The following WWOX variants were observed in gnomAD, a reference collection of about 807,000 sequenced individuals.
The protein encoded by WWOX is WW domain-containing oxidoreductase.
Under a neutral mutation model 46.2 loss-of-function variants are expected in WWOX, and 69 were observed. The ratio of observed to expected loss-of-function variants is 1.49; its 90% CI spans 1.23 to 1.82. WWOX has a LOEUF of 1.82. Ranked by LOEUF, WWOX falls within the 40% of genes most tolerant of loss-of-function variation. WWOX has a pLI of 0.00. For missense variants in WWOX, 919 were observed against 542.6 expected (o/e 1.69, Z -6.89); for synonymous variants, 359 against 202.6 (o/e 1.77, Z -6.56).
At chr16:78,379,198 C>T (rs1252229018) in intron 5 of WWOX, among the ~76,000 whole-genome samples, 2 of 152,094 alleles carry the variant, frequency 1.3e-5, no homozygotes, top group Non-Finnish European at 2.9e-5. Flanking sequence ...TAAATACATG[C>T]AAATTAGAGC....
intron 7 of WWOX, among the ~76,000 whole-genome samples, chr16:78,427,173 C>G (rs1282930492): frequency 6.6e-6 from 1 of 152,172 alleles, no homozygotes; most frequent in Non-Finnish European, 1.5e-5. Context: ...TTACCTCCAT[C>G]AACCTTGGCA....
At chr16:78,531,188 A>G (rs571141605) in intron 8 of WWOX, among the ~76,000 whole-genome samples, 145 of 152,300 alleles carry the variant, frequency 9.5e-4, no homozygotes, top group African/African-American at 3.4e-3. Context: ...AGAGGTCTCA[A>G]TTTGCCTTTT....
chr16:78,589,134 G>C (rs1331731078), intron 8 of WWOX, among the ~76,000 whole-genome samples: 1 of 152,186 alleles, frequency 6.6e-6, no homozygotes, highest in East Asian at 1.9e-4. Flanking sequence ...AGTTTTGGCA[G>C]GGTTGAGTCT....
intron 8 of WWOX, among the ~76,000 whole-genome samples, chr16:78,700,221 A>G (rs2048183450): frequency 1.3e-5 from 2 of 150,894 alleles, no homozygotes; most frequent in South Asian, 4.2e-4. Context: ...TGGAAGTCAG[A>G]TGTCAGGGCA....
intron 8 of WWOX, among the ~76,000 whole-genome samples, chr16:79,178,423 C>A (rs957737928): frequency 2.0e-5 from 3 of 152,058 alleles, no homozygotes; most frequent in Admixed American, 2.0e-4. Flanking sequence ...ATCAAGCAGT[C>A]TTCTTGCCTT....
At chr16:79,070,096 T>C (rs933415390) in intron 8 of WWOX, among the ~76,000 whole-genome samples, 2 of 152,226 alleles carry the variant, frequency 1.3e-5, no homozygotes, top group African/African-American at 4.8e-5. Context: ...AGACTTATCA[T>C]TCAAAGATTG....
rs1165603146 is a variant in WWOX at position 78,802,933 on chromosome 16, AAAAAAAAAACAAC to A, written c.1056+370185_1056+370197del. On this transcript the variant is annotated intron_variant, in intron 8 of 8. Coordinates refer to ENST00000566780, the MANE Select transcript of WWOX (RefSeq NM_016373.4). ...TTCATCTGAAAAAAAAAAAAAAAAA[AAAAAAAAAACAAC>A]AAACAGAAAAATGAACGAGTGAGTG... is the stretch of plus-strand genomic sequence containing the variant. Among the ~76,000 whole-genome samples the A allele has an allele frequency of 1.2e-3, 120 of 101,354 alleles. 19 individuals carry two copies. Among genetic ancestry groups the A allele is most frequent in the African/African-American group, 3.9e-3 (90 of 23,080 alleles). The allele number at this position is 101,354 out of a possible 152,430, so 66.5% of individuals were successfully genotyped here. A position where few individuals can be genotyped will look rare whatever the true frequency, so the allele number is the denominator to read the frequency against.
chr16:78,351,281 T>C (rs1484775985), intron 5 of WWOX, among the ~76,000 whole-genome samples: 1 of 152,226 alleles, frequency 6.6e-6, no homozygotes, highest in Non-Finnish European at 1.5e-5. Flanking sequence ...ATATCACTTT[T>C]CCTTTAAATC....
intron 8 of WWOX, among the ~76,000 whole-genome samples, chr16:79,145,825 A>T (rs1014017824): frequency 6.6e-6 from 1 of 152,190 alleles, no homozygotes; most frequent in Non-Finnish European, 1.5e-5. Context: ...AGATAGAAAA[A>T]AACCCCATTC....
At chr16:78,193,453 T>A (rs972800083) in intron 5 of WWOX, among the ~76,000 whole-genome samples, 2 of 152,232 alleles carry the variant, frequency 1.3e-5, no homozygotes, top group Non-Finnish European at 2.9e-5. Flanking sequence ...AGGAAAACAT[T>A]AACTAGTCTT....
At chr16:79,108,484 A>G (rs984385459) in intron 8 of WWOX, among the ~76,000 whole-genome samples, 1 of 152,274 alleles carries the variant, frequency 6.6e-6, no homozygotes, top group Non-Finnish European at 1.5e-5. Context: ...ATGTTTGCAG[A>G]TGAAGGGATT....
chr16:78,867,665 C>A (rs188564441), intron 8 of WWOX, among the ~76,000 whole-genome samples: 4 of 152,032 alleles, frequency 2.6e-5, no homozygotes, highest in Admixed American at 2.6e-4. Flanking sequence ...CTCAGCCTCA[C>A]GAGTAGCTGG....
intron 8 of WWOX, among the ~76,000 whole-genome samples, chr16:78,853,044 T>C (rs2052486231): frequency 6.6e-6 from 1 of 152,202 alleles, no homozygotes; most frequent in Non-Finnish European, 1.5e-5. Context: ...ATCTCAGTTT[T>C]CTTATCTGCA....
At position 79,211,691 on chromosome 16, in the gene WWOX, C is replaced by T; in HGVS notation, c.1140C>T (p.Cys380=). The T allele has an allele frequency of 3.7e-6, 6 of 1,614,230 alleles. No individual in the cohort carries two copies. The African/African-American group carries it at 4.0e-5, about 11-fold the overall frequency. Reference sequence around the variant, plus strand: ...GAGGGATGTACTTCAACAACTGCTGCCGCTGCATGCCCTCACCAGAAGCTC... The same window carrying T: ...GAGGGATGTACTTCAACAACTGCTGTCGCTGCATGCCCTCACCAGAAGCTC... The part of the protein sequence containing the change: ...GLGGMYFNNC[C]RCMPSPEAQS... Residue 380 remains cysteine, a synonymous_variant, in exon 9 of 9, where the codon TGC becomes TGT. Coordinates refer to ENST00000566780, the MANE Select transcript of WWOX (RefSeq NM_016373.4).
At chr16:78,314,669 C>T (rs1358119539) in intron 5 of WWOX, among the ~76,000 whole-genome samples, 1 of 146,974 alleles carries the variant, frequency 6.8e-6, no homozygotes, top group African/African-American at 2.5e-5. Context: ...GGACTACAGG[C>T]ACACCCCACC....
chr16:78,605,754 G>A (rs531795068), intron 8 of WWOX, among the ~76,000 whole-genome samples: 2 of 152,276 alleles, frequency 1.3e-5, no homozygotes, highest in East Asian at 3.9e-4. Context: ...GCCCTTCATG[G>A]AAAGGATAGG....
At chr16:78,192,552 G>A (rs1002247960) in intron 5 of WWOX, among the ~76,000 whole-genome samples, 6 of 151,332 alleles carry the variant, frequency 4.0e-5, no homozygotes, top group African/African-American at 1.5e-4. Flanking sequence ...TCCCTGGATT[G>A]TTGAGGAAAT....
chr16:78,637,517 T>C (rs2046602957), intron 8 of WWOX, among the ~76,000 whole-genome samples: 1 of 152,152 alleles, frequency 6.6e-6, no homozygotes, highest in South Asian at 2.1e-4. Context: ...TGGTCCACAG[T>C]GATGTAACTC....
intron 8 of WWOX, chr16:79,004,740 C>T (rs952993195): frequency 1.3e-5 from 2 of 152,192 alleles, no homozygotes; most frequent in Non-Finnish European, 2.9e-5. Context: ...ACTTGAAAGT[C>T]CAGCTGTGTA....
Sources: gnomAD v4.1 joint callset for allele counts (sites outside exome capture counted in the v4.1 genomes callset) on GRCh38, gnomAD v4.1.1 for gene constraint, MANE v1.5 for transcripts, NCBI Gene and HGNC (gene_info 2026-07-23, HGNC 2026-07-21) for gene names.